Variants in CHD9 observed in about 807,000 individuals in gnomAD.
The protein encoded by CHD9 is ATP-dependent chromatin remodeler CHD9.
CHD9 carries 77 observed loss-of-function variants against 316.1 expected under a neutral mutation model. That is an observed-to-expected ratio of 0.24 (90% confidence interval 0.20 to 0.29). The LOEUF is 0.29. CHD9 is among the 10% of genes least tolerant of loss of function. CHD9 has a pLI of 1.00. For missense variants in CHD9, 2,763 were observed against 3,438.1 expected, an observed-to-expected ratio of 0.80 and a Z score of 4.91; for synonymous variants, 1,129 against 1,158.3, an observed-to-expected ratio of 0.97 and a Z score of 0.51.
chr16:53,233,228 C>G (rs1166494604), intron 10 of CHD9, among the ~76,000 whole-genome samples: 2 of 152,168 alleles, frequency 1.3e-5, no homozygotes, highest in Non-Finnish European at 2.9e-5. Flanking sequence ...TTCCCATTAC[C>G]CACCACTTTG....
chr16:53,209,616 A>C lies in CHD9; in HGVS notation c.1587A>C (p.Ile529=), dbSNP rs559102462. The C allele has an allele frequency of 5.6e-6, 9 of 1,613,954 alleles. No individual in the cohort carries two copies. In the South Asian group the frequency reaches 9.9e-5, roughly 18 times the overall value. ...GCAAGCAAGAAAAGGCTAATCGTATAATATCAGAGGCCATAGCAAAAGCAA... is the reference window on the plus strand; with the variant it reads ...GCAAGCAAGAAAAGGCTAATCGTATCATATCAGAGGCCATAGCAAAAGCAA... ...SESKQEKANR[I]ISEAIAKAKE... The change falls in exon 3 of 39, where the codon ATA becomes ATC. Residue 529 remains isoleucine, a synonymous_variant. Transcript: ENST00000447540.
At chr16:53,218,739 T>C (rs915338220) in intron 3 of CHD9, among the ~76,000 whole-genome samples, 6 of 152,320 alleles carry the variant, frequency 3.9e-5, no homozygotes, top group Admixed American at 1.3e-4. Context: ...AAAATACCTT[T>C]TTAAGCAATA....
At chr16:53,070,534 T>TTCCTTC (rs1266141128) in intron 1 of CHD9, among the ~76,000 whole-genome samples, 16 of 20,942 alleles carry the variant, frequency 7.6e-4, no homozygotes, top group African/African-American at 2.1e-3. Flanking sequence ...CCTTCCTTCC[T>TTCCTTC]CTCTCTCTCT....
chr16:53,153,478 A>C (rs1400138702), intron 1 of CHD9, among the ~76,000 whole-genome samples: 1 of 152,164 alleles, frequency 6.6e-6, no homozygotes, highest in Non-Finnish European at 1.5e-5. Context: ...ACATTTTCCA[A>C]CTTAAATGTA....
chr16:53,102,655 G>C (rs1488241397), intron 1 of CHD9, among the ~76,000 whole-genome samples: 1 of 151,978 alleles, frequency 6.6e-6, no homozygotes, highest in Non-Finnish European at 1.5e-5. Flanking sequence ...TTCAAGACCA[G>C]CCTGGGTAAC....
intron 20 of CHD9, among the ~76,000 whole-genome samples, chr16:53,266,317 T>C (rs1195023438): frequency 6.6e-6 from 1 of 152,164 alleles, no homozygotes; most frequent in Non-Finnish European, 1.5e-5. Context: ...TATAATGCAT[T>C]CCATACATAT....
chr16:53,225,014 A>G (rs1206796164), intron 4 of CHD9, among the ~76,000 whole-genome samples: 1 of 152,238 alleles, frequency 6.6e-6, no homozygotes, highest in East Asian at 1.9e-4. Flanking sequence ...CCCATCCTAC[A>G]TGAGGCATGG....
chr16:53,060,920 CTTTTTTTTTTT>C (rs549828992), intron 1 of CHD9, among the ~76,000 whole-genome samples: 1 of 99,414 alleles, frequency 1.0e-5, no homozygotes, highest in Non-Finnish European at 2.0e-5. Flanking sequence ...GATGTTGTCT[CTTTTTTTTTTT>C]TTTTTTTTTT....
chr16:53,274,673 G>A (rs2052621918), intron 24 of CHD9, among the ~76,000 whole-genome samples: 1 of 152,060 alleles, frequency 6.6e-6, no homozygotes, highest in Non-Finnish European at 1.5e-5. Context: ...GGCCAGGCTG[G>A]TTTCGAACTC....
Position 53,156,675 on chromosome 16 carries a change from T to G in CHD9, c.586T>G (p.Ser196Ala), listed in dbSNP as rs2152746695. 6.2e-7 allele frequency: 1 copy of G among 1,613,968 alleles called. No individual in the cohort carries two copies. Among genetic ancestry groups the G allele is most frequent in the East Asian group, 2.2e-5 (1 of 44,884 alleles). Reference protein sequence around the residue: ...LNPGQNSLSQSKNFMNVSGPH... With the variant: ...LNPGQNSLSQAKNFMNVSGPH... ...CCCAGGGCAGAATTCTCTTAGCCAG[T>G]CTAAAAATTTTATGAATGTTTCTGG... The change falls in exon 2 of 39, where the codon TCT becomes GCT. Residue 196 changes from serine to alanine, a missense_variant. This residue lies in a region of CHD9 where 859 missense variants were observed against 890.4 expected (regional missense o/e 0.96). Coordinates refer to ENST00000447540, the MANE Select transcript of CHD9 (RefSeq NM_001308319.2).
intron 1 of CHD9, among the ~76,000 whole-genome samples, chr16:53,149,203 C>T (rs1022377507): frequency 3.9e-5 from 6 of 152,144 alleles, no homozygotes; most frequent in South Asian, 2.1e-4. Context: ...AATGTTTCAT[C>T]TGCACTCCGG....
rs1036799098 is a variant in CHD9 at position 53,306,412 on chromosome 16, T to C, written c.6780+15T>C. 9 of 1,553,026 alleles carry C rather than the reference T, an allele frequency of 5.8e-6. No homozygotes were observed. The African/African-American group carries it at 1.3e-4, about 22-fold the overall frequency. ...ATTGGCCAAAGGTAAAGAAATAATT[T>C]CTTATTGGGATAGGTCATTTTTTAG... On this transcript the variant is annotated intron_variant, in intron 32 of 38. Transcript: ENST00000447540.
intron 1 of CHD9, among the ~76,000 whole-genome samples, chr16:53,123,713 G>A (rs28816203): frequency 0.31 from 46,336 of 151,822 alleles, 7,556 homozygotes; most frequent in Admixed American, 0.47. Context: ...TGTTGTCCAT[G>A]CTGGTCTCGA....
intron 20 of CHD9, among the ~76,000 whole-genome samples, chr16:53,265,076 C>T (rs1327871194): frequency 6.6e-6 from 1 of 152,118 alleles, no homozygotes; most frequent in Admixed American, 6.6e-5. Flanking sequence ...ACAATAAAGA[C>T]TAACATTACT....
At chr16:53,195,968 G>C (rs1220785334) in intron 2 of CHD9, among the ~76,000 whole-genome samples, 1 of 152,012 alleles carries the variant, frequency 6.6e-6, no homozygotes, top group African/African-American at 2.4e-5. Flanking sequence ...ATGTTGGCCA[G>C]ACTGGTCTTG....
intron 2 of CHD9, among the ~76,000 whole-genome samples, chr16:53,182,915 G>A (rs1394440578): frequency 1.3e-5 from 2 of 152,138 alleles, no homozygotes; most frequent in Non-Finnish European, 2.9e-5. Flanking sequence ...TATCATATAT[G>A]TATGAATGTG....
chr16:53,255,616 A>G lies in CHD9; in HGVS notation c.4046A>G (p.Lys1349Arg). 6.2e-7 allele frequency: 1 copy of G among 1,611,250 alleles called. No individual in the cohort carries two copies. The highest frequency in any genetic ancestry group is 8.5e-7 in the Non-Finnish European group (1 of 1,179,122). ...TCTCCTTAGATTCAGCAGCTTTCCAAAAAGGAAATAGAAGATCTGCTTCGA... is the reference window on the plus strand; with the variant it reads ...TCTCCTTAGATTCAGCAGCTTTCCAGAAAGGAAATAGAAGATCTGCTTCGA... ...SNVGGIQQLS[K>R]KEIEDLLRRG... is the part of the protein sequence containing the mutation. Residue 1349 changes from lysine to arginine, a missense_variant, in exon 19 of 39, where the codon AAA becomes AGA. Lys to Arg is a conservative substitution (Grantham distance 26). This residue lies in a region of CHD9 where 199 missense variants were observed against 251.7 expected (regional missense o/e 0.79). Coordinates refer to ENST00000447540, the MANE Select transcript of CHD9 (RefSeq NM_001308319.2).
intron 8 of CHD9, among the ~76,000 whole-genome samples, chr16:53,231,106 G>A (rs2048135606): frequency 2.0e-5 from 3 of 152,182 alleles, no homozygotes; most frequent in Admixed American, 2.0e-4. Context: ...TCAATGGGAT[G>A]ATGCATGGTC....
chr16:53,094,641 C>CTTT (rs902726569), intron 1 of CHD9, among the ~76,000 whole-genome samples: 3 of 136,802 alleles, frequency 2.2e-5, no homozygotes, highest in South Asian at 2.4e-4. Flanking sequence ...TTTACTTTTT[C>CTTT]TTTTTTTTTT....
Sources: allele counts gnomAD v4.1 joint callset (sites outside exome capture counted in the v4.1 genomes callset), GRCh38; gene constraint gnomAD v4.1.1; regional missense constraint gnomAD v4.1.1; transcripts MANE v1.5; gene names NCBI Gene and HGNC (gene_info 2026-07-23, HGNC 2026-07-21).